Variants in DNAJC14 observed in about 807,000 individuals in gnomAD.
The protein encoded by DNAJC14 is DnaJ heat shock protein family (Hsp40) member C14.
Under a neutral mutation model 68.8 loss-of-function variants are expected in DNAJC14, and 12 were observed. The observed-to-expected ratio is 0.17, with a 90% CI of 0.11 to 0.28. DNAJC14 has a LOEUF of 0.28. Among genes scored for constraint, DNAJC14 ranks in the 10% least tolerant of loss-of-function variants. DNAJC14 has a pLI of 1.00. For missense variants in DNAJC14, 764 were observed against 875.6 expected (o/e 0.87, Z 1.61); for synonymous variants, 350 against 321.5 (o/e 1.09, Z -0.95).
intron 2 of DNAJC14, among the ~76,000 whole-genome samples, chr12:55,825,568 G>A (rs1207274179): frequency 7.4e-6 from 1 of 134,558 alleles, no homozygotes; most frequent in South Asian, 2.4e-4. Context: ...TTTTGAGACG[G>A]TGTCTTGTTC....
chr12:55,828,125 C>G lies in DNAJC14; in HGVS notation c.534G>C (p.Lys178Asn). Residue 178 changes from lysine to asparagine, a missense_variant, in exon 2 of 7, where the codon AAG becomes AAC. Around this residue, in one of 4 missense-constraint regions of DNAJC14, gnomAD observed 514 missense variants for 521.7 expected, o/e 0.99. Coordinates refer to ENST00000678005, the MANE Select transcript of DNAJC14 (RefSeq NM_032364.6). ...EEEYDDEESLKFPSDFSRVSS... is the reference protein window; with the variant it reads ...EEEYDDEESLNFPSDFSRVSS... ...ACACACGTGAAAAATCACTGGGGAA[C>G]TTGAGAGATTCTTCATCATCATATT... The G allele has an allele frequency of 6.2e-7, 1 of 1,607,320 alleles. No homozygotes were observed. The highest frequency in any genetic ancestry group is 8.5e-7 in the Non-Finnish European group (1 of 1,176,438).
In DNAJC14 at chr12:55,827,474, C is replaced by A. The variant is rs771544216; in HGVS notation, c.1185G>T (p.Gln395His). 2.5e-6 allele frequency: 4 copies of A among 1,602,682 alleles called. No homozygotes were observed. The highest frequency in any genetic ancestry group is 1.3e-5 in the African/African-American group (1 of 74,674). ...RPWQRLVRIV[Q>H]WGWLELPWVK... ...CCCAAGGCAACTCCAGCCAGCCCCA[C>A]TGAACTATTCTTACCAGCCGCTGCC... The change falls in exon 2 of 7, where the codon CAG (glutamine) becomes CAT (histidine). Residue 395 changes from glutamine (Q) to histidine (H), a missense_variant. By Grantham distance (24) the Gln-to-His change is conservative (BLOSUM62 0). This residue lies in a region of DNAJC14 where 514 missense variants were observed against 521.7 expected (regional missense o/e 0.99). Coordinates refer to ENST00000678005, the MANE Select transcript of DNAJC14 (RefSeq NM_032364.6).
chr12:55,827,953 G>A lies in DNAJC14; in HGVS notation c.706C>T (p.Leu236=). Residue 236 remains leucine, a synonymous_variant, in exon 2 of 7, where the codon CTG becomes TTG. Coordinates refer to ENST00000678005, the MANE Select transcript of DNAJC14 (RefSeq NM_032364.6). ...KRSQADKRKG[L]GLWGAEELCQ... is the part of the protein sequence containing the mutation. ...AGTTCCTCGGCTCCCCACAATCCCAGGCCTTTGCGCTTATCTGCCTGACTT... is the reference window on the plus strand; with the variant it reads ...AGTTCCTCGGCTCCCCACAATCCCAAGCCTTTGCGCTTATCTGCCTGACTT... 6.2e-7 allele frequency: 1 copy of A among 1,611,198 alleles called. No homozygotes were observed. The highest frequency in any genetic ancestry group is 8.5e-7 in the Non-Finnish European group (1 of 1,178,384).
chr12:55,823,115 T>G lies in DNAJC14; in HGVS notation c.1589A>C (p.Glu530Ala), dbSNP rs140969766. 7 of 1,614,098 alleles carry G rather than the reference T, an allele frequency of 4.3e-6. No homozygotes were observed. The African/African-American group carries it at 9.3e-5, about 22-fold the overall frequency. The change falls in exon 4 of 7, where the codon GAG becomes GCG. Residue 530 changes from glutamate (E) to alanine (A), a missense_variant. Around this residue, in one of 4 missense-constraint regions of DNAJC14, gnomAD observed 110 missense variants for 162.7 expected, o/e 0.68. Coordinates refer to ENST00000678005, the MANE Select transcript of DNAJC14 (RefSeq NM_032364.6). ...GCTACACATCATAGTATTCATTGCC[T>G]CCTTGAGGTCATCTTGCAGCTTGGA... ...FLSKLQDDLK[E>A]AMNTMMCSRC... is the part of the protein sequence containing the mutation.
At chr12:55,823,002 C>T (rs1016168922) in intron 4 of DNAJC14, 68 bp downstream of exon 4, 2 of 1,597,402 alleles carry the variant, frequency 1.3e-6, no homozygotes, top group East Asian at 4.5e-5. Flanking sequence ...CCAGTACTCA[C>T]TAGAAAGATC....
At chr12:55,822,824 A>T in intron 4 of DNAJC14, 92 bp from the exon 5 acceptor site, 1 of 1,505,746 alleles carries the variant, frequency 6.6e-7, no homozygotes, top group Non-Finnish European at 9.0e-7. Context: ...AATAGGGCTG[A>T]AACATCTAAA....
intron 2 of DNAJC14, among the ~76,000 whole-genome samples, chr12:55,824,266 G>A (rs1462987836): frequency 1.3e-5 from 2 of 152,014 alleles, no homozygotes; most frequent in Admixed American, 6.6e-5. Flanking sequence ...TTCCAAAGAT[G>A]TTACATCTTG....
Position 55,828,281 on chromosome 12 carries a change from T to C in DNAJC14, c.378A>G (p.Pro126=), listed in dbSNP as rs1462602319. Reference sequence around the variant, plus strand: ...GTGTTCCCTGGCAGTTGCAAGCAGATGGAATGGAAAGAAAAGAGTTCCCAT... The same window carrying C: ...GTGTTCCCTGGCAGTTGCAAGCAGACGGAATGGAAAGAAAAGAGTTCCCAT... ...QKDGNSFLSI[P]SACNCQGTPG... is the part of the protein sequence containing the mutation. Residue 126 remains proline (P), a synonymous_variant, in exon 2 of 7, where the codon CCA becomes CCG. Coordinates refer to ENST00000678005, the MANE Select transcript of DNAJC14 (RefSeq NM_032364.6). 3.1e-6 allele frequency: 5 copies of C among 1,608,084 alleles called. No individual in the cohort carries two copies. Among genetic ancestry groups the C allele is most frequent in the South Asian group, 1.1e-5 (1 of 90,432 alleles).
At chr12:55,824,822 T>C (rs1347112006) in intron 2 of DNAJC14, among the ~76,000 whole-genome samples, 1 of 152,042 alleles carries the variant, frequency 6.6e-6, no homozygotes, top group Non-Finnish European at 1.5e-5. Context: ...AGTAAACAAT[T>C]GTTACCCACT....
chr12:55,828,002 A>G lies in DNAJC14; in HGVS notation c.657T>C (p.Gly219=). 1 of 1,613,446 alleles carries G rather than the reference A, an allele frequency of 6.2e-7. No homozygotes were observed. Among genetic ancestry groups the G allele is most frequent in the Non-Finnish European group, 8.5e-7 (1 of 1,179,898 alleles). The change falls in exon 2 of 7, where the codon GGT becomes GGC. Residue 219 remains glycine, a synonymous_variant. Transcript: ENST00000678005. ...TTCGTTTCCGACCCAGCCGATGTCGACCAGGGGACCTGGGATCCCTACGTC... is the reference window on the plus strand; with the variant it reads ...TTCGTTTCCGACCCAGCCGATGTCGGCCAGGGGACCTGGGATCCCTACGTC... The part of the protein sequence containing the change: ...EGGRRDPRSP[G]RHRLGRKRSQ...
In DNAJC14 at chr12:55,827,378, TTCC is replaced by T; in HGVS notation, c.1278_1280del (p.Glu427del). 6.2e-7 allele frequency: 1 copy of T among 1,613,840 alleles called. No individual in the cohort carries two copies. Among genetic ancestry groups the T allele is most frequent in the Non-Finnish European group, 8.5e-7 (1 of 1,179,906 alleles). The stretch of plus-strand genomic sequence containing the variant: ...CAGCCATGGTCAAGAGTCGAGCCAC[TTCC>T]TCTTCAGGCTGGCAGTAGCGCCCAC... On this transcript the variant is annotated inframe_deletion, in exon 2 of 7. Transcript: ENST00000678005.
At chr12:55,825,606 C>T (rs996609391) in intron 2 of DNAJC14, among the ~76,000 whole-genome samples, 5 of 141,466 alleles carry the variant, frequency 3.5e-5, no homozygotes, top group East Asian at 2.1e-4. Context: ...TACAGTGGCG[C>T]GATCTCGGCT....
rs1310476421 is a variant in DNAJC14, at chr12:55,828,485, A to G, written c.174T>C (p.Gly58=). 1 of 1,613,930 alleles carries G rather than the reference A, an allele frequency of 6.2e-7. No individual in the cohort carries two copies. Among genetic ancestry groups the G allele is most frequent in the Non-Finnish European group, 8.5e-7 (1 of 1,179,960 alleles). Residue 58 remains glycine, a synonymous_variant, in exon 2 of 7, where the codon GGT becomes GGC. Coordinates refer to ENST00000678005, the MANE Select transcript of DNAJC14 (RefSeq NM_032364.6). ...GGTTTGGGTGCTGTGTGTGCTTAGG[A>G]CCAGAGTGCTCTGTGAGGCAGCGGG... The part of the protein sequence containing the change: ...NGTRCLTEHS[G]PKHTQHPNPA...
intron 2 of DNAJC14, among the ~76,000 whole-genome samples, chr12:55,825,023 T>G (rs1001923313): frequency 1.3e-5 from 2 of 150,312 alleles, no homozygotes; most frequent in African/African-American, 2.5e-5. Flanking sequence ...TTCCAGCTAC[T>G]CAGGAAGCTG....
At chr12:55,826,271 C>CTTTTTTTTTTTTTTTTTTTTT in intron 2 of DNAJC14, among the ~76,000 whole-genome samples, 1 of 85,798 alleles carries the variant, frequency 1.2e-5, no homozygotes, top group Non-Finnish European at 2.1e-5. Flanking sequence ...GGGAAAATAT[C>CTTTTTTTTTTTTTTTTTTTTT]TTTTTTTTTT....
chr12:55,829,145 T>A, intron 1 of DNAJC14: 1 of 986,804 alleles, frequency 1.0e-6, no homozygotes, highest in Non-Finnish European at 1.2e-6. Context: ...ACCCACCGGC[T>A]GTGTAGAAGG....
Position 55,827,886 on chromosome 12 carries a change from A to G in DNAJC14, c.773T>C (p.Leu258Pro), listed in dbSNP as rs765918685. ...TACGTACTCTCCCACCAATACCAGC[A>G]GTTCAATCAGCCACCAAAAGCCTGC... is the stretch of plus-strand genomic sequence containing the variant. ...GQAGFWWLIELLVLVGEYVET... is the reference protein window; with the variant it reads ...GQAGFWWLIEPLVLVGEYVET... The change falls in exon 2 of 7, where the codon CTG (leucine) becomes CCG (proline). Residue 258 changes from leucine (L) to proline (P), a missense_variant. By Grantham distance (98) the Leu-to-Pro change is moderately conservative. Transcript: ENST00000678005. The G allele has an allele frequency of 6.2e-7, 1 of 1,610,284 alleles. No homozygotes were observed. The highest frequency in any genetic ancestry group is 2.2e-5 in the East Asian group (1 of 44,758).
chr12:55,829,249 A>T, intron 1 of DNAJC14: 1 of 901,268 alleles, frequency 1.1e-6, no homozygotes, highest in Non-Finnish European at 1.3e-6. Context: ...GTTCGAGACC[A>T]GCCTGGCCAA....
At chr12:55,822,312 C>A in intron 6 of DNAJC14, 61 bp downstream of exon 6, 1 of 1,573,154 alleles carries the variant, frequency 6.4e-7, no homozygotes, top group South Asian at 1.2e-5. Context: ...AAAAGCAGGT[C>A]ATCTGAAACC....
Sources: gnomAD v4.1 joint callset for allele counts (sites outside exome capture counted in the v4.1 genomes callset) on GRCh38, gnomAD v4.1.1 for gene constraint, gnomAD v4.1.1 regional missense constraint, MANE v1.5 for transcripts, NCBI Gene and HGNC (gene_info 2026-07-23, HGNC 2026-07-21) for gene names.